Variants in NTSR1 observed in about 807,000 individuals in gnomAD.
NTSR1 encodes the protein neurotensin receptor type 1.
A neutral mutation model predicts 31.2 loss-of-function variants in NTSR1; 29 were observed. The observed-to-expected ratio is 0.93, with a 90% CI of 0.69 to 1.27. The LOEUF (loss-of-function observed/expected upper bound fraction) is 1.27. NTSR1 is among the 50% of genes most tolerant of loss of function. The pLI is 0.00. For missense variants in NTSR1, 697 were observed against 595.4 expected, an observed-to-expected ratio of 1.17 and a Z score of -1.78; for synonymous variants, 282 against 269.9, an observed-to-expected ratio of 1.04 and a Z score of -0.44.
chr20:62,711,711 C>CTCCGCCCCCCGGAAAGTG lies in NTSR1; in HGVS notation c.714+1794_714+1811dup, dbSNP rs1988618823. Among the ~76,000 whole-genome samples the CTCCGCCCCCCGGAAAGTG allele has an allele frequency of 6.6e-6, 1 of 152,180 alleles. No homozygotes were observed. Among genetic ancestry groups the CTCCGCCCCCCGGAAAGTG allele is most frequent in the South Asian group, 2.1e-4 (1 of 4,828 alleles). On this transcript the variant is annotated intron_variant, in intron 1 of 3. Transcript: ENST00000370501. This position sits in a 1 kb window ranked among gnomAD's most constrained non-coding sequence, Gnocchi z 6.4. ...GCACAGGGGCGTGAGGACAGCTCGG[C>CTCCGCCCCCCGGAAAGTG]TCCGCCCCCCGGAAAGTGTCCTCCC...
At chr20:62,736,336 C>T (rs1242854051) in intron 1 of NTSR1, among the ~76,000 whole-genome samples, 1 of 152,198 alleles carries the variant, frequency 6.6e-6, no homozygotes, top group Non-Finnish European at 1.5e-5. Flanking sequence ...CTCTCTGTAC[C>T]CTCAGGCGCA....
At chr20:62,752,667 G>A (rs897648281) in intron 1 of NTSR1, among the ~76,000 whole-genome samples, 3 of 152,230 alleles carry the variant, frequency 2.0e-5, no homozygotes, top group Non-Finnish European at 4.4e-5. Context: ...TATTTTAAAT[G>A]TTTTGACATT....
intron 1 of NTSR1, among the ~76,000 whole-genome samples, chr20:62,716,315 G>T (rs1988717274): frequency 6.6e-6 from 1 of 152,122 alleles, no homozygotes; most frequent in African/African-American, 2.4e-5. Flanking sequence ...TTGAAGGCAG[G>T]CTTGCTGCTG....
intron 3 of NTSR1, among the ~76,000 whole-genome samples, chr20:62,759,329 G>C (rs2147150824): frequency 6.6e-6 from 1 of 152,306 alleles, no homozygotes; most frequent in South Asian, 2.1e-4. Flanking sequence ...TGGCTGCTGG[G>C]GAGGTGTGGA....
intron 1 of NTSR1, among the ~76,000 whole-genome samples, chr20:62,719,048 C>T (rs561687567): frequency 2.6e-5 from 4 of 151,596 alleles, no homozygotes; most frequent in East Asian, 1.9e-4. Flanking sequence ...CTGGCTATGA[C>T]GTCCAGTATG....
intron 1 of NTSR1, among the ~76,000 whole-genome samples, chr20:62,734,568 C>T (rs977362608): frequency 1.3e-5 from 2 of 152,200 alleles, no homozygotes; most frequent in African/African-American, 2.4e-5. Flanking sequence ...CCCTGGGGAG[C>T]GAGGAGCAGG....
At chr20:62,748,945 A>C (rs970489357) in intron 1 of NTSR1, among the ~76,000 whole-genome samples, 8 of 152,172 alleles carry the variant, frequency 5.3e-5, no homozygotes, top group African/African-American at 1.9e-4. Flanking sequence ...GAAGGCTTTC[A>C]CCAGTCGCAT....
intron 1 of NTSR1, among the ~76,000 whole-genome samples, chr20:62,752,166 G>T (rs550193124): frequency 6.6e-6 from 1 of 152,212 alleles, no homozygotes. Context: ...CCAGGAAGGG[G>T]CCTGTCCTTC....
chr20:62,714,271 G>A lies in NTSR1; in HGVS notation c.714+4350G>A, dbSNP rs1377628928. ...GCGCAGGGCATAGAGGGCTGTTGGT[G>A]TGGGGCCAAGAGTCACACACTTCCT... On this transcript the variant is annotated intron_variant, in intron 1 of 3. Transcript: ENST00000370501. The surrounding 1 kb of genome is among the most constrained non-coding windows in gnomAD (Gnocchi z 4.1). Among the ~76,000 whole-genome samples the A allele has an allele frequency of 6.6e-6, 1 of 152,224 alleles. No individual in the cohort carries two copies. The highest frequency in any genetic ancestry group is 2.4e-5 in the African/African-American group (1 of 41,456).
At chr20:62,723,343 C>T (rs568776478) in intron 1 of NTSR1, among the ~76,000 whole-genome samples, 5 of 152,274 alleles carry the variant, frequency 3.3e-5, no homozygotes, top group East Asian at 3.9e-4. Context: ...GGCAGAATCA[C>T]GAAGCCCCCG....
chr20:62,742,015 C>T lies in NTSR1; in HGVS notation c.715-12670C>T, dbSNP rs1989215473. 6.7e-6 allele frequency among the ~76,000 whole-genome samples: 1 copy of T among 149,414 alleles called. No individual in the cohort carries two copies. Among genetic ancestry groups the T allele is most frequent in the South Asian group, 2.1e-4 (1 of 4,750 alleles). The stretch of plus-strand genomic sequence containing the variant: ...TGGTGCACACAGAGTATGTGTAGAC[C>T]CCAGGACAGTCGATGTCAGCTAGAA... On this transcript the variant is annotated intron_variant, in intron 1 of 3. Coordinates refer to ENST00000370501, the MANE Select transcript of NTSR1 (RefSeq NM_002531.3). This position sits in a 1 kb window ranked among gnomAD's most constrained non-coding sequence, Gnocchi z 7.1.
At chr20:62,729,511 C>A (rs1239671665) in intron 1 of NTSR1, among the ~76,000 whole-genome samples, 1 of 152,132 alleles carries the variant, frequency 6.6e-6, no homozygotes, top group Non-Finnish European at 1.5e-5. Flanking sequence ...AGCCTTATAG[C>A]CTCAGGAATC....
In NTSR1 at chr20:62,709,436, G is replaced by A. The variant is rs746084479; in HGVS notation, c.229G>A (p.Gly77Ser). 6.2e-6 allele frequency: 10 copies of A among 1,612,242 alleles called. No individual in the cohort carries two copies. In the East Asian group the frequency reaches 1.1e-4, roughly 18 times the overall value. ...CGTGTACCTGGCGCTCTTCGTGGTG[G>A]GCACGGTGGGCAACACGGTGACGGC... ...TAVYLALFVV[G>S]TVGNTVTAFT... The change falls in exon 1 of 4, where the codon GGC (glycine) becomes AGC (serine). Residue 77 changes from glycine to serine, a missense_variant. Physicochemically the swap from Gly to Ser is moderately conservative, Grantham distance 56 (BLOSUM62 0). Transcript: ENST00000370501.
At chr20:62,726,694 CAA>C (rs11445641) in intron 1 of NTSR1, among the ~76,000 whole-genome samples, 26 of 142,548 alleles carry the variant, frequency 1.8e-4, no homozygotes, top group African/African-American at 5.8e-4. Flanking sequence ...GAACCTGTCT[CAA>C]AAAAAAAAAA....
rs1363828639 is a variant in NTSR1, at chr20:62,745,953, C to T, written c.715-8732C>T. 6.6e-6 allele frequency among the ~76,000 whole-genome samples: 1 copy of T among 152,248 alleles called. No individual in the cohort carries two copies. The highest frequency in any genetic ancestry group is 1.9e-4 in the East Asian group (1 of 5,202). ...TGCTGTGGCATCAGTGGCGCTGAGG[C>T]ATCCTCTGGCCGGCCCTGCATGGCC... On this transcript the variant is annotated intron_variant, in intron 1 of 3. Transcript: ENST00000370501. The surrounding 1 kb of genome is among the most constrained non-coding windows in gnomAD (Gnocchi z 4.1).
rs1228110750 is a variant in NTSR1 at position 62,709,536 on chromosome 20, TG to T, written c.330del (p.Ser111ProfsTer52). The T allele has an allele frequency of 5.0e-6, 8 of 1,612,166 alleles. No individual in the cohort carries two copies. The highest frequency in any genetic ancestry group is 6.8e-6 in the Non-Finnish European group (8 of 1,179,858). On this transcript the variant is annotated frameshift_variant, in exon 1 of 4. Coordinates refer to ENST00000370501, the MANE Select transcript of NTSR1 (RefSeq NM_002531.3). LOFTEE classifies it high-confidence loss of function. ...TVHYHLGSLA[L>X]SDLLTLLLAM... ...CATTACCACCTGGGCAGCCTGGCGC[TG>T]TCCGACCTGCTCACCCTGCTGCTGG...
At chr20:62,752,417 C>A (rs532913853) in intron 1 of NTSR1, among the ~76,000 whole-genome samples, 26 of 150,968 alleles carry the variant, frequency 1.7e-4, no homozygotes, top group Non-Finnish European at 3.2e-4. Context: ...CCCTCACCCC[C>A]CAATCCTACT....
rs1388448710 is a variant in NTSR1 at position 62,744,211 on chromosome 20, G to T, written c.715-10474G>T. ...CCTTTCCCACACCCAAGGGAGCACA[G>T]TCAGTGCTCCAGGAACTGAGGCAGC... On this transcript the variant is annotated intron_variant, in intron 1 of 3. Transcript: ENST00000370501. This position sits in a 1 kb window ranked among gnomAD's most constrained non-coding sequence, Gnocchi z 4.1. Among the ~76,000 whole-genome samples the T allele has an allele frequency of 6.6e-6, 1 of 152,194 alleles. No individual in the cohort carries two copies. Among genetic ancestry groups the T allele is most frequent in the Non-Finnish European group, 1.5e-5 (1 of 68,030 alleles).
chr20:62,727,355 G>C (rs772482326), intron 1 of NTSR1, among the ~76,000 whole-genome samples: 4 of 152,234 alleles, frequency 2.6e-5, no homozygotes, highest in Non-Finnish European at 4.4e-5. Flanking sequence ...GTCCCAGCAA[G>C]TCCCAGCCCA....
Sources: allele counts gnomAD v4.1 joint callset (sites outside exome capture counted in the v4.1 genomes callset), GRCh38; gene constraint gnomAD v4.1.1; non-coding constraint Gnocchi (gnomAD v3.1); transcripts MANE v1.5; gene names NCBI Gene and HGNC (gene_info 2026-07-23, HGNC 2026-07-21).